The following SLC44A5 variants were observed in gnomAD, a reference collection of about 807,000 sequenced individuals.
The protein encoded by SLC44A5 is choline transporter-like protein 5.
Under a neutral mutation model 101.8 loss-of-function variants are expected in SLC44A5, and 57 were observed. The observed-to-expected ratio is 0.56, with a 90% CI of 0.45 to 0.70. The LOEUF (loss-of-function observed/expected upper bound fraction) is 0.70, where lower values mean the gene tolerates loss of function less well. Among genes scored for constraint, SLC44A5 ranks in the 30% least tolerant of loss-of-function variants. The pLI, the probability that SLC44A5 is intolerant of heterozygous loss-of-function variation, is 0.00. For synonymous variants in SLC44A5, 281 were observed against 290.9 expected (o/e 0.97, Z 0.35); for missense variants, 737 against 853.1 (o/e 0.86, Z 1.70).
intron 2 of SLC44A5, among the ~76,000 whole-genome samples, chr1:75,446,895 A>C (rs1029080190): frequency 5.9e-5 from 9 of 152,154 alleles, no homozygotes; most frequent in Non-Finnish European, 1.3e-4. Context: ...ATAACACTGA[A>C]AATTTTGGGA....
intron 1 of SLC44A5, among the ~76,000 whole-genome samples, chr1:75,573,153 A>T (rs1673170457): frequency 1.3e-5 from 2 of 149,018 alleles, no homozygotes; most frequent in South Asian, 4.2e-4. Flanking sequence ...AAAAAAAAAA[A>T]AGGAAATAGT....
At chr1:75,473,525 G>A (rs2101738649) in intron 2 of SLC44A5, among the ~76,000 whole-genome samples, 2 of 152,188 alleles carry the variant, frequency 1.3e-5, no homozygotes, top group South Asian at 4.1e-4. Flanking sequence ...AGAATTTGGG[G>A]GTACTTGATT....
intron 1 of SLC44A5, among the ~76,000 whole-genome samples, chr1:75,607,136 T>C (rs970300792): frequency 1.3e-5 from 2 of 152,054 alleles, no homozygotes; most frequent in Non-Finnish European, 2.9e-5. Context: ...CAAACCCAAA[T>C]GTGTCCAAAA....
chr1:75,250,647 T>G (rs1649491530), intron 7 of SLC44A5, among the ~76,000 whole-genome samples: 1 of 152,160 alleles, frequency 6.6e-6, no homozygotes, highest in Non-Finnish European at 1.5e-5. Context: ...ATCCAAGGCT[T>G]TTAAGAGCAG....
chr1:75,242,448 C>A (rs1302392319), intron 8 of SLC44A5, among the ~76,000 whole-genome samples: 1 of 151,770 alleles, frequency 6.6e-6, no homozygotes, highest in Non-Finnish European at 1.5e-5. Context: ...AATTCTCTTA[C>A]GTATCTCAAA....
intron 2 of SLC44A5, among the ~76,000 whole-genome samples, chr1:75,461,335 A>G (rs1463287766): frequency 6.6e-6 from 1 of 152,202 alleles, no homozygotes; most frequent in East Asian, 1.9e-4. Context: ...TTCTCCCTGT[A>G]AGATAATATT....
chr1:75,233,814 T>C (rs948146119), intron 12 of SLC44A5, among the ~76,000 whole-genome samples, 172 bp downstream of exon 12: 1 of 152,084 alleles, frequency 6.6e-6, no homozygotes, highest in African/African-American at 2.4e-5. Context: ...GAAGAAAAAG[T>C]TACAGAGACA....
chr1:75,322,516 T>G (rs1040238266), intron 4 of SLC44A5, among the ~76,000 whole-genome samples: 1 of 152,138 alleles, frequency 6.6e-6, no homozygotes, highest in Non-Finnish European at 1.5e-5. Context: ...ATAAAGGAAT[T>G]GAGAGAAAAC....
intron 3 of SLC44A5, among the ~76,000 whole-genome samples, chr1:75,363,616 A>G (rs760729330): frequency 9.9e-5 from 15 of 151,876 alleles, no homozygotes; most frequent in Non-Finnish European, 2.2e-4. Context: ...CCTTTTTGTG[A>G]TTTGTATTTC....
intron 2 of SLC44A5, among the ~76,000 whole-genome samples, chr1:75,423,749 A>G (rs560020124): frequency 1.3e-5 from 2 of 152,368 alleles, no homozygotes; most frequent in East Asian, 3.9e-4. Flanking sequence ...ACTGAGTGAC[A>G]CCATTAGATG....
chr1:75,615,245 C>T (rs1428331889), upstream of SLC44A5, among the ~76,000 whole-genome samples: 1 of 152,092 alleles, frequency 6.6e-6, no homozygotes, highest in Non-Finnish European at 1.5e-5. Context: ...CGGCCGGTAG[C>T]AAGTCCCCTT....
intron 17 of SLC44A5, 133 bp downstream of exon 17, chr1:75,218,357 G>T: frequency 8.2e-7 from 1 of 1,219,736 alleles, no homozygotes. Context: ...AAAACCAATG[G>T]GCATCCATGA....
chr1:75,450,008 A>T (rs1186417021), intron 2 of SLC44A5, among the ~76,000 whole-genome samples: 4 of 152,186 alleles, frequency 2.6e-5, no homozygotes, highest in Non-Finnish European at 5.9e-5. Flanking sequence ...TCAAAAAAAA[A>T]AATTAATCGC....
chr1:75,462,726 G>A (rs1285581380), intron 2 of SLC44A5, among the ~76,000 whole-genome samples: 1 of 152,076 alleles, frequency 6.6e-6, no homozygotes, highest in Non-Finnish European at 1.5e-5. Flanking sequence ...TTCTGGAGCT[G>A]AAAAGTGCAA....
intron 3 of SLC44A5, among the ~76,000 whole-genome samples, chr1:75,385,793 G>A (rs936466336): frequency 2.6e-5 from 4 of 151,912 alleles, no homozygotes; most frequent in Non-Finnish European, 5.9e-5. Context: ...GATGAACATT[G>A]ATGCAAAAAT....
the SLC44A5 span, among the ~76,000 whole-genome samples, chr1:75,616,976 A>G: frequency 6.6e-6 from 1 of 152,106 alleles, no homozygotes; most frequent in African/African-American, 2.4e-5. Flanking sequence ...GAAAGTTCTC[A>G]TGTTCCTGGA....
At chr1:75,217,717 G>T in intron 18 of SLC44A5, 149 bp downstream of exon 18, 1 of 613,434 alleles carries the variant, frequency 1.6e-6, no homozygotes, top group Non-Finnish European at 2.9e-6. Flanking sequence ...CCTTCAGCAA[G>T]CTCTCTCTGG....
At chr1:75,607,348 A>G (rs1675379861) in intron 1 of SLC44A5, among the ~76,000 whole-genome samples, 1 of 151,948 alleles carries the variant, frequency 6.6e-6, no homozygotes, top group African/African-American at 2.4e-5. Flanking sequence ...GTATCCTTCC[A>G]TTTCTCATGT....
intron 6 of SLC44A5, among the ~76,000 whole-genome samples, chr1:75,254,833 C>A (rs991924633): frequency 2.0e-5 from 3 of 152,076 alleles, no homozygotes; most frequent in African/African-American, 7.3e-5. Flanking sequence ...CAAATCAGAA[C>A]CGCTGTGTTT....
Sources: allele counts gnomAD v4.1 joint callset (sites outside exome capture counted in the v4.1 genomes callset), GRCh38; gene constraint gnomAD v4.1.1; transcripts MANE v1.5; gene names NCBI Gene and HGNC (gene_info 2026-07-23, HGNC 2026-07-21).